The following LRP1B variants were observed in gnomAD, a reference collection of about 807,000 sequenced individuals.
LRP1B encodes the protein LDL receptor related protein 1B.
A neutral mutation model predicts 556.6 loss-of-function variants in LRP1B; 217 were observed. The ratio of observed to expected loss-of-function variants is 0.39; its 90% CI spans 0.35 to 0.44. LRP1B has a LOEUF of 0.44. Ranked by LOEUF, LRP1B falls within the 20% of genes least tolerant of loss-of-function variation. The pLI is 1.00. For missense variants in LRP1B, 5,053 were observed against 5,620.8 expected (o/e 0.90, Z 3.23); for synonymous variants, 2,047 against 1,865.8 (o/e 1.10, Z -2.50).
chr2:142,130,803 G>A lies in LRP1B; in HGVS notation c.-74C>T, dbSNP rs754313241. ...CTTCGGCCCGGCGGCGGCGGCGGCGGCAGGGGCCGCTTGGAGCCTGGAATC... is the reference window on the plus strand; with the variant it reads ...CTTCGGCCCGGCGGCGGCGGCGGCGACAGGGGCCGCTTGGAGCCTGGAATC... On this transcript the variant is annotated 5_prime_UTR_variant, in exon 1 of 91. Transcript: ENST00000389484. 7 of 1,256,656 alleles carry A rather than the reference G, an allele frequency of 5.6e-6. No homozygotes were observed. Among genetic ancestry groups the A allele is most frequent in the Non-Finnish European group, 4.6e-6 (4 of 874,140 alleles). 77.8% of individuals were successfully genotyped at this position (1,256,656 alleles called of 1,614,324 possible).
intron 86 of LRP1B, among the ~76,000 whole-genome samples, chr2:140,261,124 T>C (rs1681918608): frequency 6.6e-6 from 1 of 151,788 alleles, no homozygotes; most frequent in Non-Finnish European, 1.5e-5. Flanking sequence ...GGTTTTCTGT[T>C]ACTCATTATT....
At chr2:141,651,864 G>C (rs185869955) in intron 2 of LRP1B, among the ~76,000 whole-genome samples, 1 of 152,078 alleles carries the variant, frequency 6.6e-6, no homozygotes, top group Admixed American at 6.5e-5. Flanking sequence ...CTTGGAAATT[G>C]GTTAATTAAA....
At position 141,781,150 on chromosome 2, in the gene LRP1B, G is replaced by A. The variant is rs534869022; in HGVS notation, c.205+29129C>T. Among the ~76,000 whole-genome samples the A allele has an allele frequency of 2.9e-3, 442 of 152,122 alleles. 2 individuals are homozygous for A. Among genetic ancestry groups the A allele is most frequent in the African/African-American group, 0.01 (419 of 41,496 alleles). On this transcript the variant is annotated intron_variant, in intron 2 of 90. Transcript: ENST00000389484. ...CCTAGAACTCAAATTCCAATGCTCAGGTCTTCATCCACAAGCCATTGGGAG... is the reference window on the plus strand; with the variant it reads ...CCTAGAACTCAAATTCCAATGCTCAAGTCTTCATCCACAAGCCATTGGGAG...
chr2:141,558,806 C>T (rs146901439), intron 2 of LRP1B, among the ~76,000 whole-genome samples: 131 of 151,746 alleles, frequency 8.6e-4, no homozygotes, highest in Middle Eastern at 3.4e-3. Flanking sequence ...TCATCTTCAG[C>T]GTAAGATCAC....
intron 1 of LRP1B, among the ~76,000 whole-genome samples, chr2:141,856,897 A>G (rs908711065): frequency 5.3e-5 from 8 of 151,150 alleles, no homozygotes; most frequent in Admixed American, 1.3e-4. Context: ...TAAAATAATT[A>G]GTTTACTATT....
intron 63 of LRP1B, among the ~76,000 whole-genome samples, chr2:140,447,189 A>G (rs1389553459): frequency 6.6e-6 from 1 of 152,132 alleles, no homozygotes; most frequent in East Asian, 1.9e-4. Flanking sequence ...GAAGAAAAGA[A>G]AACTCTTGTA....
chr2:140,321,341 A>C (rs1355581602), intron 82 of LRP1B, among the ~76,000 whole-genome samples: 1 of 151,166 alleles, frequency 6.6e-6, no homozygotes, highest in African/African-American at 2.4e-5. Context: ...GCATGAATGA[A>C]AAAAATCTTA....
chr2:141,110,166 G>A (rs565061014), intron 7 of LRP1B, among the ~76,000 whole-genome samples: 2 of 152,210 alleles, frequency 1.3e-5, no homozygotes, highest in South Asian at 4.1e-4. Flanking sequence ...TTAACACAAT[G>A]CACATTCCAA....
intron 41 of LRP1B, among the ~76,000 whole-genome samples, chr2:140,637,958 T>C (rs1684129267): frequency 6.6e-6 from 1 of 152,216 alleles, no homozygotes; most frequent in Admixed American, 6.5e-5. Context: ...GACTTTACTC[T>C]TCTACAGAAG....
At chr2:141,093,539 G>T (rs997479324) in intron 7 of LRP1B, among the ~76,000 whole-genome samples, 5 of 152,138 alleles carry the variant, frequency 3.3e-5, no homozygotes, top group Admixed American at 2.0e-4. Flanking sequence ...TGTTTTGCTT[G>T]CTGTTTGTTT....
chr2:140,330,521 T>C (rs1222018290), intron 79 of LRP1B, among the ~76,000 whole-genome samples: 3 of 152,084 alleles, frequency 2.0e-5, no homozygotes, highest in African/African-American at 4.8e-5. Context: ...GCTAGCCATA[T>C]GCAGAAAATT....
chr2:140,955,145 T>C (rs923630253), intron 18 of LRP1B, among the ~76,000 whole-genome samples: 12 of 151,926 alleles, frequency 7.9e-5, no homozygotes, highest in Admixed American at 1.3e-4. Context: ...GCATTTAATG[T>C]AGCAAAAAGT....
Position 141,804,078 on chromosome 2 carries a change from A to T in LRP1B, c.205+6201T>A, listed in dbSNP as rs201124473. 7.9e-5 allele frequency among the ~76,000 whole-genome samples: 12 copies of T among 152,170 alleles called. No individual in the cohort carries two copies. In the East Asian group the frequency reaches 2.3e-3, roughly 29 times the overall value. ...TTGCATTGTTCAATTAGAAGTGATC[A>T]CTCCCAAAGCCAGTGTGAAACAATC... On this transcript the variant is annotated intron_variant, in intron 2 of 90. Transcript: ENST00000389484.
rs62172983 is a variant in LRP1B at position 140,473,053 on chromosome 2, C to A, written c.9625+2085G>T. Among the ~76,000 whole-genome samples the A allele has an allele frequency of 5.8e-3, 886 of 152,172 alleles. 13 individuals are homozygous for A. Among genetic ancestry groups the A allele is most frequent in the South Asian group, 0.034 (166 of 4,830 alleles). On this transcript the variant is annotated intron_variant, in intron 60 of 90. Coordinates refer to ENST00000389484, the MANE Select transcript of LRP1B (RefSeq NM_018557.3). ...TAAACAACTAGGAAACCATAGCATCCTTTGTCTTTATGGGGCAAATGCAAG... is the reference window on the plus strand; with the variant it reads ...TAAACAACTAGGAAACCATAGCATCATTTGTCTTTATGGGGCAAATGCAAG...
At chr2:140,476,954 C>A (rs1167637144) in intron 59 of LRP1B, among the ~76,000 whole-genome samples, 3 of 151,954 alleles carry the variant, frequency 2.0e-5, no homozygotes, top group African/African-American at 7.2e-5. Flanking sequence ...AGATCCTAAG[C>A]CCCTCAAAAA....
chr2:141,345,760 C>T (rs2105526783), intron 3 of LRP1B, among the ~76,000 whole-genome samples: 1 of 151,790 alleles, frequency 6.6e-6, no homozygotes, highest in South Asian at 2.1e-4. Context: ...TCACCTTGGC[C>T]TCCCAAAACC....
chr2:141,894,031 C>T (rs922266793), intron 1 of LRP1B, among the ~76,000 whole-genome samples: 1 of 151,954 alleles, frequency 6.6e-6, no homozygotes, highest in African/African-American at 2.4e-5. Context: ...TACCAGTCTA[C>T]CCTTCAGCAG....
At chr2:141,941,374 G>A (rs188872540) in intron 1 of LRP1B, among the ~76,000 whole-genome samples, 4 of 152,278 alleles carry the variant, frequency 2.6e-5, no homozygotes, top group African/African-American at 9.6e-5. Context: ...TCAAATGCAA[G>A]GCTCATCACT....
intron 37 of LRP1B, among the ~76,000 whole-genome samples, chr2:140,713,046 C>A (rs185216611): frequency 6.6e-6 from 1 of 151,886 alleles, no homozygotes; most frequent in Non-Finnish European, 1.5e-5. Flanking sequence ...TCTTGGGTAA[C>A]CTCGTACACT....
Sources: allele counts gnomAD v4.1 joint callset (sites outside exome capture counted in the v4.1 genomes callset), GRCh38; gene constraint gnomAD v4.1.1; transcripts MANE v1.5; gene names NCBI Gene and HGNC (gene_info 2026-07-23, HGNC 2026-07-21).